The following OR2A12 variants were observed in gnomAD, a reference collection of about 807,000 sequenced individuals.
The protein encoded by OR2A12 is olfactory receptor family 2 subfamily A member 12.
For synonymous variants in OR2A12, 153 were observed against 149.3 expected, an observed-to-expected ratio of 1.02 and a Z score of -0.18; for missense variants, 380 against 372.5, an observed-to-expected ratio of 1.02 and a Z score of -0.17.
At chr7:144,090,325 A>G (rs1034265890) in intron 1 of OR2A12, among the ~76,000 whole-genome samples, 1 of 151,892 alleles carries the variant, frequency 6.6e-6, no homozygotes, top group South Asian at 2.1e-4. Flanking sequence ...ATGAAACAAA[A>G]AGGCACTATA....
Position 144,096,879 on chromosome 7 carries a change from C to A in OR2A12, c.*839C>A, listed in dbSNP as rs549035038. 2 of 152,180 alleles carry A rather than the reference C, an allele frequency of 1.3e-5. No homozygotes were observed. The highest frequency in any genetic ancestry group is 4.8e-5 in the African/African-American group (2 of 41,516). The allele number at this position is 152,180 out of a possible 1,614,324, so 9.4% of individuals were successfully genotyped here. A position where few individuals can be genotyped will look rare whatever the true frequency, so the allele number is the denominator to read the frequency against. ...AAAACAAAAATAAAAACAAAGCAGA[C>A]GTCATGGTTAATGGTGAAATGTTAG... On this transcript the variant is annotated 3_prime_UTR_variant, in exon 2 of 2. Transcript: ENST00000641592.
chr7:144,089,453 A>G lies in OR2A12; in HGVS notation c.-52+2910A>G, dbSNP rs964796099. Among the ~76,000 whole-genome samples the G allele has an allele frequency of 2.6e-5, 4 of 152,152 alleles. No individual in the cohort carries two copies. In the South Asian group the frequency reaches 6.2e-4, roughly 24 times the overall value. ...GTAACTCGATTTTCTGTTTTCAACT[A>G]AAGTGCCTAACTCTGTCTTTTAATG... On this transcript the variant is annotated intron_variant, in intron 1 of 1. Coordinates refer to ENST00000641592, the MANE Select transcript of OR2A12 (RefSeq NM_001004135.2).
At position 144,095,396 on chromosome 7, in the gene OR2A12, A is replaced by G. The variant is rs1384274182; in HGVS notation, c.289A>G (p.Ile97Val). The stretch of plus-strand genomic sequence containing the variant: ...AAAAGTCATCTCCTTTGCTCCTTGC[A>G]TACTTCAGACTTTTTTGTATTTGGC... ...HKKVISFAPC[I>V]LQTFLYLAFA... is the part of the protein sequence containing the mutation. Residue 97 changes from isoleucine to valine, a missense_variant, in exon 2 of 2, where the codon ATA (isoleucine) becomes GTA (valine). Physicochemically the swap from Ile to Val is conservative, Grantham distance 29 (BLOSUM62 3). Transcript: ENST00000641592. 1.2e-6 allele frequency: 2 copies of G among 1,613,958 alleles called. No homozygotes were observed. Among genetic ancestry groups the G allele is most frequent in the Non-Finnish European group, 1.7e-6 (2 of 1,179,966 alleles).
intron 1 of OR2A12, among the ~76,000 whole-genome samples, chr7:144,090,898 G>A (rs1046962910): frequency 8.5e-5 from 13 of 152,148 alleles, no homozygotes; most frequent in South Asian, 2.1e-4. Context: ...ATTCCATGGC[G>A]TATATGTACC....
chr7:144,098,573 T>C lies in OR2A12; in HGVS notation c.*2533T>C, dbSNP rs537555769. The C allele has an allele frequency of 2.0e-5, 3 of 152,146 alleles. No homozygotes were observed. The highest frequency in any genetic ancestry group is 1.9e-4 in the East Asian group (1 of 5,194). The allele number at this position is 152,146 out of a possible 1,614,324, so 9.4% of individuals were successfully genotyped here. On this transcript the variant is annotated 3_prime_UTR_variant, in exon 2 of 2. Coordinates refer to ENST00000641592, the MANE Select transcript of OR2A12 (RefSeq NM_001004135.2). Reference sequence around the variant, plus strand: ...GAGTTAGCATAATCAATGGAAAATATAGAGTTTAAAAAAATAGGTTCTCTG... The same window carrying C: ...GAGTTAGCATAATCAATGGAAAATACAGAGTTTAAAAAAATAGGTTCTCTG...
At chr7:144,088,711 C>A (rs1361514631) in intron 1 of OR2A12, among the ~76,000 whole-genome samples, 1 of 152,228 alleles carries the variant, frequency 6.6e-6, no homozygotes, top group Admixed American at 6.5e-5. Context: ...TTTATAAATA[C>A]ACAGTAATTT....
At position 144,097,141 on chromosome 7, in the gene OR2A12, C is replaced by T. The variant is rs1461195430; in HGVS notation, c.*1101C>T. The T allele has an allele frequency of 6.6e-6, 1 of 151,730 alleles. No individual in the cohort carries two copies. The highest frequency in any genetic ancestry group is 1.5e-5 in the Non-Finnish European group (1 of 67,960). 9.4% of individuals were successfully genotyped at this position (151,730 alleles called of 1,614,324 possible). On this transcript the variant is annotated 3_prime_UTR_variant, in exon 2 of 2. Transcript: ENST00000641592. ...GACATTACTGTATATGTAGGAAATT[C>T]AAAAGAATTATAAGAAATTTTAAAG...
In OR2A12 at chr7:144,097,750, A is replaced by G. The variant is rs2051277228; in HGVS notation, c.*1710A>G. On this transcript the variant is annotated 3_prime_UTR_variant, in exon 2 of 2. Coordinates refer to ENST00000641592, the MANE Select transcript of OR2A12 (RefSeq NM_001004135.2). The stretch of plus-strand genomic sequence containing the variant: ...GTGTGGCATGGCATATCACTGGGGA[A>G]TGAAAAAGCTTTGAAGTAAATGGTG... The G allele has an allele frequency of 6.6e-6, 1 of 152,200 alleles. No individual in the cohort carries two copies. Among genetic ancestry groups the G allele is most frequent in the African/African-American group, 2.4e-5 (1 of 41,450 alleles). The allele number at this position is 152,200 out of a possible 1,614,324, so 9.4% of individuals were successfully genotyped here.
In OR2A12 at chr7:144,096,890, A is replaced by G. The variant is rs1387579611; in HGVS notation, c.*850A>G. 6.6e-6 allele frequency: 1 copy of G among 152,216 alleles called. No individual in the cohort carries two copies. Among genetic ancestry groups the G allele is most frequent in the Non-Finnish European group, 1.5e-5 (1 of 68,044 alleles). The allele number at this position is 152,216 out of a possible 1,614,324, so 9.4% of individuals were successfully genotyped here. A position where few individuals can be genotyped will look rare whatever the true frequency, so the allele number is the denominator to read the frequency against. ...AAAAACAAAGCAGACGTCATGGTTA[A>G]TGGTGAAATGTTAGCATCTGTCCTT... On this transcript the variant is annotated 3_prime_UTR_variant, in exon 2 of 2. Transcript: ENST00000641592.
chr7:144,098,016 G>A lies in OR2A12; in HGVS notation c.*1976G>A, dbSNP rs903445942. On this transcript the variant is annotated 3_prime_UTR_variant, in exon 2 of 2. Coordinates refer to ENST00000641592, the MANE Select transcript of OR2A12 (RefSeq NM_001004135.2). ...GACTGGGTTGAAATTAAGAACTTAT[G>A]TTAATCAAAACAGGGCATAAAAAGT... 23 of 152,222 alleles carry A rather than the reference G, an allele frequency of 1.5e-4. No homozygotes were observed. The highest frequency in any genetic ancestry group is 5.3e-4 in the African/African-American group (22 of 41,524). 9.4% of individuals were successfully genotyped at this position (152,222 alleles called of 1,614,324 possible).
Position 144,095,562 on chromosome 7 carries a change from T to G in OR2A12, c.455T>G (p.Phe152Cys), listed in dbSNP as rs751192632. 1.2e-6 allele frequency: 2 copies of G among 1,614,102 alleles called. No individual in the cohort carries two copies. Among genetic ancestry groups the G allele is most frequent in the Non-Finnish European group, 1.7e-6 (2 of 1,180,016 alleles). Residue 152 changes from phenylalanine (F) to cysteine (C), a missense_variant, in exon 2 of 2, where the codon TTT becomes TGT. By Grantham distance (205) the Phe-to-Cys change is radical (BLOSUM62 -2). Coordinates refer to ENST00000641592, the MANE Select transcript of OR2A12 (RefSeq NM_001004135.2). The part of the protein sequence containing the change: ...VLASTCWIFS[F>C]LLALVHITLI... ...GCCTCAACTTGCTGGATATTTAGCTTTCTCTTGGCTCTGGTCCATATTACT... is the reference window on the plus strand; with the variant it reads ...GCCTCAACTTGCTGGATATTTAGCTGTCTCTTGGCTCTGGTCCATATTACT...
At position 144,092,934 on chromosome 7, in the gene OR2A12, A is replaced by T. The variant is rs145694987; in HGVS notation, c.-51-2123A>T. 3.3e-5 allele frequency among the ~76,000 whole-genome samples: 5 copies of T among 152,346 alleles called. 1 individual carries two copies. The highest frequency in any genetic ancestry group is 4.1e-4 in the South Asian group (2 of 4,826). On this transcript the variant is annotated intron_variant, in intron 1 of 1. Coordinates refer to ENST00000641592, the MANE Select transcript of OR2A12 (RefSeq NM_001004135.2). ...AGAGACATACAAGATATGTTGATAG[A>T]TGATAATATTGATCCAATAGAAATT...
At position 144,098,308 on chromosome 7, in the gene OR2A12, G is replaced by C. The variant is rs894140474; in HGVS notation, c.*2268G>C. ...ACATCAATTTTGTCTTGTCATAGCT[G>C]TGTCTCTAGTATCTAGAGCAGAGCT... On this transcript the variant is annotated 3_prime_UTR_variant, in exon 2 of 2. Coordinates refer to ENST00000641592, the MANE Select transcript of OR2A12 (RefSeq NM_001004135.2). The C allele has an allele frequency of 1.3e-5, 2 of 152,082 alleles. No homozygotes were observed. Among genetic ancestry groups the C allele is most frequent in the African/African-American group, 2.4e-5 (1 of 41,378 alleles). The allele number at this position is 152,082 out of a possible 1,614,324, so 9.4% of individuals were successfully genotyped here.
At chr7:144,092,448 T>C (rs2051233371) in intron 1 of OR2A12, among the ~76,000 whole-genome samples, 1 of 152,216 alleles carries the variant, frequency 6.6e-6, no homozygotes, top group Admixed American at 6.5e-5. Flanking sequence ...TTGAACAATA[T>C]TGATTCTTTC....
At chr7:144,088,525 T>C (rs1212135283) in intron 1 of OR2A12, among the ~76,000 whole-genome samples, 4 of 152,230 alleles carry the variant, frequency 2.6e-5, no homozygotes, top group East Asian at 1.9e-4. Flanking sequence ...TTAATTTTCA[T>C]TGATAAAAAA....
intron 1 of OR2A12, among the ~76,000 whole-genome samples, chr7:144,089,995 T>C (rs1380766661): frequency 6.6e-6 from 1 of 152,192 alleles, no homozygotes; most frequent in African/African-American, 2.4e-5. Context: ...AGGTCCTCAG[T>C]GCCCTTCTGA....
At chr7:144,094,552 T>C (rs544735964) in intron 1 of OR2A12, among the ~76,000 whole-genome samples, 29 of 152,346 alleles carry the variant, frequency 1.9e-4, no homozygotes, top group African/African-American at 6.5e-4. Context: ...TTAAACTCTT[T>C]AGGGTTTGCA....
chr7:144,088,290 G>T (rs1340590456), intron 1 of OR2A12, among the ~76,000 whole-genome samples: 1 of 152,180 alleles, frequency 6.6e-6, no homozygotes, highest in Non-Finnish European at 1.5e-5. Context: ...GGGATTACAG[G>T]TGTGAGCCAC....
At chr7:144,089,659 A>AT (rs1243877057) in intron 1 of OR2A12, among the ~76,000 whole-genome samples, 1 of 151,610 alleles carries the variant, frequency 6.6e-6, no homozygotes, top group African/African-American at 2.4e-5. Flanking sequence ...TATTTTGTTT[A>AT]TTTTTTATGA....
Sources: gnomAD v4.1 joint callset for allele counts (sites outside exome capture counted in the v4.1 genomes callset) on GRCh38, gnomAD v4.1.1 for gene constraint, MANE v1.5 for transcripts, NCBI Gene and HGNC (gene_info 2026-07-23, HGNC 2026-07-21) for gene names.